The following RBFOX3 variants were observed in gnomAD, a reference collection of about 807,000 sequenced individuals.
RBFOX3 encodes RNA binding fox-1 homolog 3.
A neutral mutation model predicts 48.7 loss-of-function variants in RBFOX3; 17 were observed. The ratio of observed to expected loss-of-function variants is 0.35; its 90% CI spans 0.24 to 0.52. RBFOX3 has a LOEUF of 0.52. Ranked by LOEUF, RBFOX3 falls within the 20% of genes least tolerant of loss-of-function variation. The probability of loss-of-function intolerance (pLI) is 0.94; values close to 1 mark genes in which losing one functional copy is unlikely to be tolerated. For missense variants in RBFOX3, 382 were observed against 497.5 expected (o/e 0.77, Z 2.21); for synonymous variants, 212 against 209.5 (o/e 1.01, Z -0.10).
At chr17:79,604,077 CT>C (rs1284253127) in intron 1 of RBFOX3, among the ~76,000 whole-genome samples, 3 of 152,268 alleles carry the variant, frequency 2.0e-5, no homozygotes, top group Non-Finnish European at 4.4e-5. Context: ...TCAGAAGTCA[CT>C]TCCATTTCAA....
intron 4 of RBFOX3, among the ~76,000 whole-genome samples, chr17:79,227,114 G>A (rs914981893): frequency 2.6e-5 from 4 of 152,094 alleles, no homozygotes; most frequent in Non-Finnish European, 4.4e-5. Flanking sequence ...ATCTGCAAGC[G>A]CCAGCCAGTT....
the RBFOX3 span, among the ~76,000 whole-genome samples, chr17:79,651,401 T>C: frequency 1.3e-5 from 2 of 152,256 alleles, no homozygotes; most frequent in East Asian, 1.9e-4. Flanking sequence ...CAGGGGAAGA[T>C]GCGGATCATG....
intron 2 of RBFOX3, among the ~76,000 whole-genome samples, chr17:79,384,768 G>A (rs1316755824): frequency 6.6e-6 from 1 of 152,248 alleles, no homozygotes; most frequent in Non-Finnish European, 1.5e-5. Flanking sequence ...AGGAGGAGCT[G>A]CTGGCAGGCT....
chr17:79,637,702 G>A, the RBFOX3 span, among the ~76,000 whole-genome samples: 1 of 140,362 alleles, frequency 7.1e-6, no homozygotes, highest in African/African-American at 2.6e-5. Context: ...TCAAGAAAGG[G>A]AAGGGAAGGG....
rs566710599 is a variant in RBFOX3 at position 79,252,331 on chromosome 17, T to A, written c.-73-16526A>T. Among the ~76,000 whole-genome samples the A allele has an allele frequency of 1.7e-3, 254 of 152,310 alleles. 1 individual carries two copies. The highest frequency in any genetic ancestry group is 5.8e-3 in the African/African-American group (243 of 41,582). On this transcript the variant is annotated intron_variant, in intron 3 of 14. Transcript: ENST00000693108. This position sits in a 1 kb window ranked among gnomAD's most constrained non-coding sequence, Gnocchi z 4.0. ...GTCTCCCAGACTGCTCTGTCCCACA[T>A]GGCTGAGGCTCAGGGTCTTCTCCCA... is the stretch of plus-strand genomic sequence containing the variant.
chr17:79,576,314 G>A (rs1395593081), intron 1 of RBFOX3, among the ~76,000 whole-genome samples: 1 of 152,226 alleles, frequency 6.6e-6, no homozygotes, highest in African/African-American at 2.4e-5. Flanking sequence ...TGGAGATGAT[G>A]AAGAAGATGA....
chr17:79,408,343 G>C (rs535816087), intron 2 of RBFOX3, among the ~76,000 whole-genome samples: 1 of 152,306 alleles, frequency 6.6e-6, no homozygotes, highest in East Asian at 1.9e-4. Flanking sequence ...GCAGCACTGA[G>C]CTATGAGGTC....
chr17:79,357,401 G>A (rs1250457362), intron 2 of RBFOX3, among the ~76,000 whole-genome samples: 3 of 152,246 alleles, frequency 2.0e-5, no homozygotes, highest in Non-Finnish European at 2.9e-5. Context: ...GCCAAGGCAG[G>A]TGAATCACCT....
chr17:79,245,605 A>G (rs964689752), intron 3 of RBFOX3, among the ~76,000 whole-genome samples: 5 of 145,848 alleles, frequency 3.4e-5, no homozygotes, highest in Admixed American at 2.7e-4. Context: ...TTGTTTATCC[A>G]TTCGTCTGTA....
At chr17:79,455,789 C>T (rs1692083212) in intron 2 of RBFOX3, among the ~76,000 whole-genome samples, 2 of 152,214 alleles carry the variant, frequency 1.3e-5, no homozygotes, top group South Asian at 2.1e-4. Flanking sequence ...GTCACACGCA[C>T]AGCCACACAC....
At chr17:79,323,570 C>T (rs1160132789) in intron 2 of RBFOX3, among the ~76,000 whole-genome samples, 1 of 152,234 alleles carries the variant, frequency 6.6e-6, no homozygotes, top group East Asian at 1.9e-4. Flanking sequence ...CCAACAGATG[C>T]AGAGTACTCA....
At chr17:79,165,186 C>A (rs1406284737) in intron 4 of RBFOX3, among the ~76,000 whole-genome samples, 1 of 152,184 alleles carries the variant, frequency 6.6e-6, no homozygotes, top group Non-Finnish European at 1.5e-5. Flanking sequence ...GCCCTCTGGG[C>A]TGGCTTCCAC....
chr17:79,484,495 C>G (rs1598893753), intron 1 of RBFOX3, among the ~76,000 whole-genome samples: 1 of 112,842 alleles, frequency 8.9e-6, no homozygotes, highest in South Asian at 3.1e-4. Context: ...GGTGCAGGGG[C>G]CTGGGTGCAG....
chr17:79,422,494 C>T (rs1456210205), intron 2 of RBFOX3, among the ~76,000 whole-genome samples: 11 of 152,240 alleles, frequency 7.2e-5, no homozygotes, highest in African/African-American at 2.4e-4. Context: ...CAGGGCTTCC[C>T]GGCCCAGGCT....
At chr17:79,620,663 G>T in the RBFOX3 span, among the ~76,000 whole-genome samples, 1 of 109,296 alleles carries the variant, frequency 9.1e-6, no homozygotes, top group Non-Finnish European at 1.6e-5. Context: ...ATGCACACAC[G>T]CACATGCACA....
At chr17:79,539,286 C>T (rs1054754720) in intron 1 of RBFOX3, among the ~76,000 whole-genome samples, 4 of 152,118 alleles carry the variant, frequency 2.6e-5, no homozygotes, top group South Asian at 2.1e-4. Context: ...CAGGGGGTCA[C>T]GGCTGCAGTG....
chr17:79,129,370 G>GAGTTCATT (rs1555701297), intron 4 of RBFOX3, among the ~76,000 whole-genome samples: 7 of 146,184 alleles, frequency 4.8e-5, no homozygotes, highest in South Asian at 2.1e-4. Context: ...GGAACCACCT[G>GAGTTCATT]CTGCTACCTG....
Position 79,504,864 on chromosome 17 carries a change from A to G in RBFOX3, c.-319-22266T>C, listed in dbSNP as rs957331529. 4.1e-3 allele frequency among the ~76,000 whole-genome samples: 619 copies of G among 152,302 alleles called. 1 individual carries two copies. The highest frequency in any genetic ancestry group is 0.014 in the African/African-American group (578 of 41,564). On this transcript the variant is annotated intron_variant, in intron 1 of 14. Coordinates refer to ENST00000693108, the MANE Select transcript of RBFOX3 (RefSeq NM_001350451.2). ...ATTCAGCCAACCACAGATATGCACT[A>G]AAAACATATACAGATGCGGACGTGC...
intron 2 of RBFOX3, among the ~76,000 whole-genome samples, chr17:79,436,101 TGGGTCTACACC>T (rs1450208168): frequency 6.6e-6 from 1 of 152,156 alleles, no homozygotes; most frequent in Non-Finnish European, 1.5e-5. Flanking sequence ...TTCATGCTGG[TGGGTCTACACC>T]ACAGAGCGGG....
Sources: gnomAD v4.1 joint callset for allele counts (sites outside exome capture counted in the v4.1 genomes callset) on GRCh38, gnomAD v4.1.1 for gene constraint, Gnocchi (gnomAD v3.1) non-coding constraint, MANE v1.5 for transcripts, NCBI Gene and HGNC (gene_info 2026-07-23, HGNC 2026-07-21) for gene names.